The following TNPO3 variants were observed in gnomAD, a reference collection of about 807,000 sequenced individuals.
TNPO3 encodes the protein transportin 3.
Under a neutral mutation model 122.8 loss-of-function variants are expected in TNPO3, and 65 were observed. The observed-to-expected ratio is 0.53, with a 90% confidence interval of 0.43 to 0.65. TNPO3 has a LOEUF of 0.65. Ranked by LOEUF, TNPO3 falls within the 30% of genes least tolerant of loss-of-function variation. The pLI, the probability that TNPO3 is intolerant of heterozygous loss-of-function variation, is 0.00. For synonymous variants in TNPO3, 372 were observed against 411.2 expected (o/e 0.90, Z 1.15); for missense variants, 850 against 1,136.7 (o/e 0.75, Z 3.63).
At chr7:128,983,861 C>A (rs1799885647) in intron 13 of TNPO3, among the ~76,000 whole-genome samples, 1 of 152,234 alleles carries the variant, frequency 6.6e-6, no homozygotes, top group Non-Finnish European at 1.5e-5. Context: ...CTCAAGCACA[C>A]TTTCTCAGAA....
chr7:129,023,112 G>A (rs559899168), intron 1 of TNPO3, among the ~76,000 whole-genome samples: 4 of 152,076 alleles, frequency 2.6e-5, no homozygotes, highest in Non-Finnish European at 5.9e-5. Context: ...TACTGACTAG[G>A]TTAATGTGAG....
At chr7:129,019,327 C>T (rs1804201307) in intron 1 of TNPO3, among the ~76,000 whole-genome samples, 1 of 152,106 alleles carries the variant, frequency 6.6e-6, no homozygotes, top group African/African-American at 2.4e-5. Context: ...AAATTTCAAC[C>T]TCAATTTAGG....
At chr7:129,037,834 A>T (rs73721687) in intron 1 of TNPO3, among the ~76,000 whole-genome samples, 1 of 152,164 alleles carries the variant, frequency 6.6e-6, no homozygotes, top group African/African-American at 2.4e-5. Flanking sequence ...GCCTATAATA[A>T]TACTACCAAC....
At chr7:129,049,893 G>A (rs1808497591) in intron 1 of TNPO3, among the ~76,000 whole-genome samples, 2 of 152,092 alleles carry the variant, frequency 1.3e-5, no homozygotes, top group South Asian at 2.1e-4. Flanking sequence ...TGGAAGCACA[G>A]GTACATCTGA....
At chr7:128,992,181 G>C in intron 9 of TNPO3, 91 bp from the exon 10 acceptor site, 1 of 658,486 alleles carries the variant, frequency 1.5e-6, no homozygotes, top group Admixed American at 3.0e-5. Context: ...AGTAAATCCT[G>C]CTTCTTGTTT....
intron 11 of TNPO3, among the ~76,000 whole-genome samples, chr7:128,987,444 G>A (rs908659810): frequency 2.6e-5 from 4 of 152,126 alleles, no homozygotes; most frequent in African/African-American, 7.2e-5. Context: ...AATTCAGTAT[G>A]TTTTAATTTT....
Position 128,955,213 on chromosome 7 carries a change from TCA to T in TNPO3, c.*202_*203del, listed in dbSNP as rs1341872588. On this transcript the variant is annotated 3_prime_UTR_variant, in exon 23 of 23. Transcript: ENST00000265388. Reference sequence around the variant, plus strand: ...TTTTAAAATCCGCGCTGATTTTCCCTCACACCCCCAAACAGGAACTCCTCAGG... The same window carrying T: ...TTTTAAAATCCGCGCTGATTTTCCCTCACCCCCAAACAGGAACTCCTCAGG... The T allele has an allele frequency of 2.6e-6, 1 of 391,940 alleles. No individual in the cohort carries two copies. The highest frequency in any genetic ancestry group is 9.8e-5 in the East Asian group (1 of 10,154). The allele number at this position is 391,940 out of a possible 1,614,324, so 24.3% of individuals were successfully genotyped here.
chr7:129,054,593 C>G, intron 1 of TNPO3, 58 bp downstream of exon 1: 1 of 1,603,628 alleles, frequency 6.2e-7, no homozygotes, highest in Non-Finnish European at 8.5e-7. Flanking sequence ...TCCCCCGGAG[C>G]CTAGGTTCCA....
At chr7:128,982,463 G>A (rs1563092822) in intron 13 of TNPO3, 139 bp from the exon 14 acceptor site, 5 of 631,894 alleles carry the variant, frequency 7.9e-6, no homozygotes, top group Non-Finnish European at 1.3e-5. Flanking sequence ...ACTCCTAAAA[G>A]TTACTCAAAT....
intron 1 of TNPO3, among the ~76,000 whole-genome samples, chr7:129,034,744 A>AC (rs1806381839): frequency 6.7e-6 from 1 of 149,576 alleles, no homozygotes; most frequent in Admixed American, 6.7e-5. Context: ...AAAAAAAAAA[A>AC]ATTAGCTGGG....
chr7:129,033,989 A>G (rs1191811256), intron 1 of TNPO3, among the ~76,000 whole-genome samples: 1 of 152,096 alleles, frequency 6.6e-6, no homozygotes, highest in Non-Finnish European at 1.5e-5. Context: ...AGCATTATTC[A>G]CAATAACCAA....
In TNPO3 at chr7:129,000,655, G is replaced by A. The variant is rs557747412; in HGVS notation, c.873-88C>T. The A allele has an allele frequency of 2.2e-6, 3 of 1,343,514 alleles. No homozygotes were observed. The African/African-American group carries it at 4.4e-5, about 20-fold the overall frequency. 83.2% of individuals were successfully genotyped at this position (1,343,514 alleles called of 1,614,324 possible). On this transcript the variant is annotated intron_variant, in intron 6 of 22. Transcript: ENST00000265388. The stretch of plus-strand genomic sequence containing the variant: ...GCACAGTTAATCAAATAAATAAAAG[G>A]TTCCTCAGTCTAAGGGACATCTAGT...
intron 20 of TNPO3, 79 bp from the exon 21 acceptor site, chr7:128,967,471 C>T: frequency 2.2e-6 from 2 of 921,652 alleles, no homozygotes; most frequent in Admixed American, 2.1e-5. Context: ...CTAACAAAAC[C>T]CCACAAATTT....
At chr7:128,962,695 T>C (rs993736014) in intron 21 of TNPO3, among the ~76,000 whole-genome samples, 1 of 152,250 alleles carries the variant, frequency 6.6e-6, no homozygotes, top group Admixed American at 6.5e-5. Context: ...CACCACTATG[T>C]TACATATGTT....
intron 1 of TNPO3, chr7:129,029,081 A>C: frequency 3.8e-6 from 1 of 265,746 alleles, no homozygotes; most frequent in South Asian, 4.2e-5. Context: ...TCCTCATGTC[A>C]CCCCCTTTTA....
At chr7:129,055,434 A>C, upstream of TNPO3, 1 of 155,198 alleles carries the variant, frequency 6.4e-6, no homozygotes, top group Non-Finnish European at 1.4e-5. Context: ...CGTCAATTCA[A>C]CTCTCCCTAG....
chr7:129,045,451 G>A (rs1411501754), intron 1 of TNPO3, among the ~76,000 whole-genome samples: 1 of 148,490 alleles, frequency 6.7e-6, no homozygotes, highest in Non-Finnish European at 1.5e-5. Flanking sequence ...AGCTATGATC[G>A]CACCACTGCA....
At chr7:128,992,797 CT>C (rs539613402) in intron 9 of TNPO3, among the ~76,000 whole-genome samples, 2,384 of 121,904 alleles carry the variant, frequency 0.02, 59 homozygotes, top group African/African-American at 0.065. Flanking sequence ...TAATTAATAA[CT>C]TTTTTTTGGC....
At chr7:129,002,690 G>GA in intron 5 of TNPO3, among the ~76,000 whole-genome samples, 1 of 152,042 alleles carries the variant, frequency 6.6e-6, no homozygotes, top group African/African-American at 2.4e-5. Context: ...AGGCCAAGGT[G>GA]GGCAGATCAC....
Sources: allele counts gnomAD v4.1 joint callset (sites outside exome capture counted in the v4.1 genomes callset), GRCh38; gene constraint gnomAD v4.1.1; transcripts MANE v1.5; gene names NCBI Gene and HGNC (gene_info 2026-07-23, HGNC 2026-07-21).